The following SOX6 variants were observed in gnomAD, a reference collection of about 807,000 sequenced individuals.
The protein encoded by SOX6 is transcription factor SOX-6.
A neutral mutation model predicts 97.8 loss-of-function variants in SOX6; 11 were observed. That is an observed-to-expected ratio of 0.11 (90% CI 0.07 to 0.19). The LOEUF (loss-of-function observed/expected upper bound fraction) is 0.19. Among genes scored for constraint, SOX6 ranks in the 10% least tolerant of loss-of-function variants. SOX6 has a pLI of 1.00. For synonymous variants in SOX6, 360 were observed against 371.4 expected, an observed-to-expected ratio of 0.97 and a Z score of 0.35; for missense variants, 810 against 1,039.5, an observed-to-expected ratio of 0.78 and a Z score of 3.04.
intron 9 of SOX6, among the ~76,000 whole-genome samples, chr11:16,081,096 A>T (rs1407234194): frequency 6.6e-6 from 1 of 152,088 alleles, no homozygotes; most frequent in East Asian, 1.9e-4. Flanking sequence ...CTCTAAAAAA[A>T]AATAATAATA....
chr11:16,059,941 G>A (rs1847905758), intron 9 of SOX6, among the ~76,000 whole-genome samples: 1 of 151,890 alleles, frequency 6.6e-6, no homozygotes, highest in African/African-American at 2.4e-5. Flanking sequence ...GAAACATGTT[G>A]ACTATATAGT....
intron 6 of SOX6, among the ~76,000 whole-genome samples, chr11:16,117,563 T>C (rs1849381696): frequency 6.6e-6 from 1 of 152,152 alleles, no homozygotes; most frequent in Non-Finnish European, 1.5e-5. Context: ...GTCGGTTGAA[T>C]GTGGAACAGA....
chr11:16,727,837 A>G (rs1848319110), intron 2 of SOX6, among the ~76,000 whole-genome samples: 1 of 152,098 alleles, frequency 6.6e-6, no homozygotes, highest in Non-Finnish European at 1.5e-5. Context: ...TATGCTCTGG[A>G]TCAGTGTTTA....
intron 3 of SOX6, among the ~76,000 whole-genome samples, chr11:16,668,532 AT>A (rs1170149791): frequency 1.3e-5 from 2 of 152,194 alleles, no homozygotes; most frequent in African/African-American, 4.8e-5. Context: ...AAATAACAAA[AT>A]ATCAGGAGTA....
chr11:16,460,865 C>G (rs952067868), intron 1 of SOX6, among the ~76,000 whole-genome samples: 2 of 152,092 alleles, frequency 1.3e-5, no homozygotes, highest in Non-Finnish European at 2.9e-5. Flanking sequence ...CTCATGGTAG[C>G]TAAGTTTTAC....
chr11:16,309,839 A>G (rs1855547141), intron 3 of SOX6, among the ~76,000 whole-genome samples: 1 of 152,150 alleles, frequency 6.6e-6, no homozygotes, highest in African/African-American at 2.4e-5. Context: ...AAGTCAGTCT[A>G]ATGAATTTTC....
chr11:16,385,670 T>C (rs1400171709), intron 1 of SOX6, among the ~76,000 whole-genome samples: 1 of 152,130 alleles, frequency 6.6e-6, no homozygotes, highest in Admixed American at 6.6e-5. Context: ...ACTCCTGTGA[T>C]CACAAGAGAC....
chr11:16,341,032 G>T lies in SOX6; in HGVS notation c.217C>A (p.Leu73Met). ...IQQDADWDSVLSSQQRMESEN... is the reference protein window; with the variant it reads ...IQQDADWDSVMSSQQRMESEN... ...CTCACCATTCTTTGCTGAGATGACA[G>T]AACGCTGTCCCAGTCAGCATCTTGT... The change falls in exon 2 of 16, where the codon CTG becomes ATG. Residue 73 changes from leucine (L) to methionine (M), a missense_variant. Physicochemically the swap from Leu to Met is conservative, Grantham distance 15 (BLOSUM62 2). Around this residue, in one of 9 missense-constraint regions of SOX6, gnomAD observed 100 missense variants for 94.6 expected, o/e 1.06. Transcript: ENST00000683767. The T allele has an allele frequency of 6.2e-7, 1 of 1,613,302 alleles. No individual in the cohort carries two copies. Among genetic ancestry groups the T allele is most frequent in the South Asian group, 1.1e-5 (1 of 91,056 alleles).
chr11:16,638,331 T>G (rs377420119), intron 3 of SOX6, among the ~76,000 whole-genome samples: 3 of 152,098 alleles, frequency 2.0e-5, no homozygotes, highest in African/African-American at 4.8e-5. Context: ...TTGGTTCCAA[T>G]TCTTTGCTAC....
At chr11:16,187,724 G>T (rs1363361282) in intron 4 of SOX6, among the ~76,000 whole-genome samples, 1 of 152,140 alleles carries the variant, frequency 6.6e-6, no homozygotes, top group Non-Finnish European at 1.5e-5. Context: ...TGATGTCGCT[G>T]AACACTTATG....
intron 12 of SOX6, among the ~76,000 whole-genome samples, chr11:16,024,039 T>C (rs185699681): frequency 2.0e-5 from 3 of 152,152 alleles, no homozygotes; most frequent in Admixed American, 6.6e-5. Flanking sequence ...AAAGCAGTGG[T>C]TAGGTTAAAA....
intron 12 of SOX6, among the ~76,000 whole-genome samples, chr11:16,036,962 G>C (rs1033654261): frequency 1.3e-5 from 2 of 152,126 alleles, no homozygotes; most frequent in African/African-American, 4.8e-5. Flanking sequence ...TTCTAAAGTT[G>C]CATTTTAAAC....
chr11:16,426,925 A>AC (rs1482983065), intron 1 of SOX6, among the ~76,000 whole-genome samples: 31 of 150,562 alleles, frequency 2.1e-4, no homozygotes, highest in Non-Finnish European at 3.7e-4. Context: ...AAAAAAAAAA[A>AC]AAAAAAAAAA....
Position 16,481,443 on chromosome 11 carries a change from C to T in SOX6, n.610-5055G>A, listed in dbSNP as rs186169580. 7.7e-3 allele frequency among the ~76,000 whole-genome samples: 1,167 copies of T among 152,020 alleles called. 14 individuals are homozygous for T. The highest frequency in any genetic ancestry group is 0.026 in the African/African-American group (1,097 of 41,426). ...AAGACAACTTAAGATGCTACCTAGT[C>T]CACCACTCTGCTGTTCTGGAAGAAC... On this transcript the variant is annotated intron_variant and non_coding_transcript_variant, in intron 4 of 5. Coordinates refer to the SOX6 transcript ENST00000524520.
Position 15,971,772 on chromosome 11 carries a change from A to G in SOX6, c.*1037T>C, listed in dbSNP as rs1853320956. ...AAAAGGACGGAAAAGTTCTTCGGGG[A>G]AGGAAGGTGAAAAACAAGAATTATT... On this transcript the variant is annotated 3_prime_UTR_variant, in exon 16 of 16. Coordinates refer to ENST00000683767, the MANE Select transcript of SOX6 (RefSeq NM_001367873.1). 6.6e-6 allele frequency: 1 copy of G among 152,648 alleles called. No individual in the cohort carries two copies. Among genetic ancestry groups the G allele is most frequent in the Non-Finnish European group, 1.5e-5 (1 of 68,046 alleles). The allele number at this position is 152,648 out of a possible 1,614,324, so 9.5% of individuals were successfully genotyped here.
chr11:16,355,958 C>T (rs537283017), intron 1 of SOX6, among the ~76,000 whole-genome samples, 136 bp downstream of exon 1: 1 of 152,110 alleles, frequency 6.6e-6, no homozygotes, highest in East Asian at 1.9e-4. Context: ...AAGTTATTAC[C>T]TTATTACCAT....
chr11:16,163,217 T>A (rs184408353), intron 6 of SOX6, among the ~76,000 whole-genome samples: 4 of 152,244 alleles, frequency 2.6e-5, no homozygotes, highest in African/African-American at 4.8e-5. Context: ...GTTTCTGTTA[T>A]ACACACATGT....
intron 3 of SOX6, among the ~76,000 whole-genome samples, chr11:16,669,195 T>G (rs1180244369): frequency 6.6e-6 from 1 of 152,184 alleles, no homozygotes; most frequent in Non-Finnish European, 1.5e-5. Context: ...ATCAAGTATC[T>G]TCTCTGACCA....
At chr11:16,210,259 T>C (rs538261714) in intron 4 of SOX6, among the ~76,000 whole-genome samples, 5 of 41,986 alleles carry the variant, frequency 1.2e-4, no homozygotes, top group Non-Finnish European at 2.7e-4. Context: ...TGATGAATGG[T>C]GAATAAAATG....
Sources: gnomAD v4.1 joint callset for allele counts (sites outside exome capture counted in the v4.1 genomes callset) on GRCh38, gnomAD v4.1.1 for gene constraint, gnomAD v4.1.1 regional missense constraint, MANE v1.5 for transcripts, NCBI Gene and HGNC (gene_info 2026-07-23, HGNC 2026-07-21) for gene names.